Variants in ATP2B2 observed in about 807,000 individuals in gnomAD.
The protein encoded by ATP2B2 is ATPase plasma membrane Ca2+ transporting 2.
A neutral mutation model predicts 120.0 loss-of-function variants in ATP2B2; 15 were observed. The observed-to-expected ratio is 0.12, with a 90% CI of 0.08 to 0.19. The LOEUF is 0.19. ATP2B2 is among the 10% of genes least tolerant of loss of function. The pLI is 1.00. For synonymous variants in ATP2B2, 694 were observed against 700.3 expected (o/e 0.99, Z 0.14); for missense variants, 1,045 against 1,719.8 (o/e 0.61, Z 6.94).
At chr3:10,408,549 G>A (rs575450637) in intron 3 of ATP2B2, among the ~76,000 whole-genome samples, 34 of 152,228 alleles carry the variant, frequency 2.2e-4, no homozygotes, top group Admixed American at 2.2e-3. Flanking sequence ...TTGGACCAGG[G>A]GCGGCCTGAG....
intron 2 of ATP2B2, among the ~76,000 whole-genome samples, chr3:10,599,893 C>A (rs550083167): frequency 2.6e-5 from 4 of 152,222 alleles, no homozygotes; most frequent in African/African-American, 9.6e-5. Flanking sequence ...GGGTGGAAGG[C>A]GATTACCTGG....
intron 2 of ATP2B2, among the ~76,000 whole-genome samples, chr3:10,596,146 C>T (rs2068759297): frequency 6.6e-6 from 1 of 152,220 alleles, no homozygotes; most frequent in African/African-American, 2.4e-5. Context: ...TGCTCTTTAT[C>T]CTTCCCAGCA....
In ATP2B2 at chr3:10,616,039, G is replaced by A. The variant is rs114973246; in HGVS notation, c.-415+3878C>T. ...AGATTTATTAAGGATGGAGACATGA[G>A]TTTTCCTTCCACACTTACCTCCCTC... is the stretch of plus-strand genomic sequence containing the variant. On this transcript the variant is annotated intron_variant, in intron 2 of 21. Transcript: ENST00000646379. Among the ~76,000 whole-genome samples the A allele has an allele frequency of 4.0e-3, 603 of 152,162 alleles. 4 individuals carry two copies. Among genetic ancestry groups the A allele is most frequent in the African/African-American group, 0.014 (573 of 41,514 alleles).
chr3:10,351,619 A>T (rs993979663), intron 14 of ATP2B2, among the ~76,000 whole-genome samples: 1 of 152,124 alleles, frequency 6.6e-6, no homozygotes, highest in African/African-American at 2.4e-5. Context: ...CCCCCAAAAG[A>T]CAGACTGGAG....
At chr3:10,482,939 G>A (rs1365218658) in intron 1 of ATP2B2, among the ~76,000 whole-genome samples, 1 of 152,214 alleles carries the variant, frequency 6.6e-6, no homozygotes, top group African/African-American at 2.4e-5. Flanking sequence ...TCCTCCCACT[G>A]GACCCTGACA....
chr3:10,467,505 G>A (rs961495410), intron 1 of ATP2B2, among the ~76,000 whole-genome samples: 2 of 152,242 alleles, frequency 1.3e-5, no homozygotes, highest in African/African-American at 4.8e-5. Context: ...ACACCTGGCA[G>A]ACACAGTTGG....
chr3:10,514,776 C>T (rs1050422643), intron 3 of ATP2B2, among the ~76,000 whole-genome samples: 6 of 152,224 alleles, frequency 3.9e-5, no homozygotes, highest in Admixed American at 6.5e-5. Context: ...CCACCAGCAG[C>T]GGGGAAAGCC....
chr3:10,568,702 C>T (rs1361857975), intron 2 of ATP2B2, among the ~76,000 whole-genome samples: 1 of 152,208 alleles, frequency 6.6e-6, no homozygotes, highest in Non-Finnish European at 1.5e-5. Context: ...CAGGCAACAT[C>T]CCTGAATAAC....
intron 7 of ATP2B2, 65 bp downstream of exon 7, chr3:10,386,415 G>A: frequency 9.0e-6 from 14 of 1,562,450 alleles, no homozygotes; most frequent in Non-Finnish European, 1.2e-5. Flanking sequence ...TAGGGGCAGG[G>A]CCCAATGACC....
At chr3:10,685,961 C>T (rs2071509161) in intron 1 of ATP2B2, among the ~76,000 whole-genome samples, 1 of 151,666 alleles carries the variant, frequency 6.6e-6, no homozygotes, top group African/African-American at 2.4e-5. Flanking sequence ...ATGTGTCTCT[C>T]ATTCTCCTCT....
intron 2 of ATP2B2, among the ~76,000 whole-genome samples, chr3:10,588,537 A>C (rs2068568783): frequency 6.6e-6 from 1 of 152,140 alleles, no homozygotes; most frequent in Non-Finnish European, 1.5e-5. Flanking sequence ...AAAGGCAAAA[A>C]CAAGAGCACA....
chr3:10,676,544 A>ACACACC (rs1264455998), intron 1 of ATP2B2, among the ~76,000 whole-genome samples: 1 of 151,816 alleles, frequency 6.6e-6, no homozygotes, highest in Non-Finnish European at 1.5e-5. Context: ...ACACACACAC[A>ACACACC]CCCTTGATGA....
chr3:10,664,270 G>C (rs2070866792), intron 1 of ATP2B2, among the ~76,000 whole-genome samples: 1 of 152,044 alleles, frequency 6.6e-6, no homozygotes, highest in African/African-American at 2.4e-5. Flanking sequence ...ACCACTTCCT[G>C]GAAGCCCCCT....
chr3:10,432,496 G>A (rs955572067), intron 2 of ATP2B2, among the ~76,000 whole-genome samples: 4 of 152,270 alleles, frequency 2.6e-5, no homozygotes, highest in African/African-American at 7.2e-5. Flanking sequence ...ACATGAGAGG[G>A]AGAGTTTTGC....
chr3:10,596,580 G>A (rs1008517168), intron 2 of ATP2B2, among the ~76,000 whole-genome samples: 2 of 152,294 alleles, frequency 1.3e-5, no homozygotes, highest in South Asian at 2.1e-4. Flanking sequence ...ACTGTAGAAC[G>A]GTTAAGCATC....
At chr3:10,636,170 C>T (rs2125645235) in intron 1 of ATP2B2, among the ~76,000 whole-genome samples, 1 of 152,346 alleles carries the variant, frequency 6.6e-6, no homozygotes, top group South Asian at 2.1e-4. Flanking sequence ...CATGAGCATT[C>T]TCCCAGCATC....
intron 2 of ATP2B2, among the ~76,000 whole-genome samples, chr3:10,589,379 C>T (rs1196567772): frequency 1.3e-5 from 2 of 152,124 alleles, no homozygotes; most frequent in Non-Finnish European, 1.5e-5. Flanking sequence ...AGGTACAGCC[C>T]CAAAGAGGGC....
chr3:10,444,410 G>A (rs974313892), intron 2 of ATP2B2, among the ~76,000 whole-genome samples: 2 of 152,190 alleles, frequency 1.3e-5, no homozygotes, highest in Non-Finnish European at 2.9e-5. Flanking sequence ...CCCCATGGAC[G>A]TTCTCGTTCA....
intron 2 of ATP2B2, among the ~76,000 whole-genome samples, chr3:10,595,562 AG>A (rs760730364): frequency 2.4e-4 from 36 of 152,232 alleles, no homozygotes; most frequent in Non-Finnish European, 4.0e-4. Context: ...ACCTGTCCAA[AG>A]TCACACAGCT....
Sources: allele counts gnomAD v4.1 joint callset (sites outside exome capture counted in the v4.1 genomes callset), GRCh38; gene constraint gnomAD v4.1.1; transcripts MANE v1.5; gene names NCBI Gene and HGNC (gene_info 2026-07-23, HGNC 2026-07-21).